Variants in CCDC50 observed in about 807,000 individuals in gnomAD.
CCDC50 encodes the protein coiled-coil domain-containing protein 50.
CCDC50 carries 54 observed loss-of-function variants against 70.2 expected under a neutral mutation model. The ratio of observed to expected loss-of-function variants is 0.77; its 90% confidence interval spans 0.62 to 0.96. The LOEUF is 0.96. Among genes scored for constraint, CCDC50 ranks in the 50% least tolerant of loss-of-function variants. CCDC50 has a pLI of 0.00. For missense variants in CCDC50, 558 were observed against 578.7 expected, an observed-to-expected ratio of 0.96 and a Z score of 0.37; for synonymous variants, 216 against 198.8, an observed-to-expected ratio of 1.09 and a Z score of -0.73.
At chr3:191,356,248 C>T (rs1214675368) in intron 1 of CCDC50, among the ~76,000 whole-genome samples, 1 of 152,130 alleles carries the variant, frequency 6.6e-6, no homozygotes, top group Non-Finnish European at 1.5e-5. Context: ...GTTTACGAAG[C>T]AGGAGTTTAA....
At chr3:191,351,446 G>T (rs528208472) in intron 1 of CCDC50, among the ~76,000 whole-genome samples, 1 of 141,072 alleles carries the variant, frequency 7.1e-6, no homozygotes, top group East Asian at 1.9e-4. Context: ...GCCAAGGGGA[G>T]GGCAGACAAG....
chr3:191,357,001 T>A, intron 1 of CCDC50, 87 bp from the exon 2 acceptor site: 1 of 844,798 alleles, frequency 1.2e-6, no homozygotes, highest in Non-Finnish European at 2.0e-6. Flanking sequence ...TTGATTTTTT[T>A]TAAAGTAAAA....
At chr3:191,347,405 A>G (rs1487483677) in intron 1 of CCDC50, among the ~76,000 whole-genome samples, 1 of 133,026 alleles carries the variant, frequency 7.5e-6, no homozygotes, top group African/African-American at 2.7e-5. Context: ...AATTCCTGCT[A>G]GCACCTCAGC....
intron 1 of CCDC50, among the ~76,000 whole-genome samples, chr3:191,354,357 AT>A (rs1576956313): frequency 2.0e-5 from 3 of 152,174 alleles, no homozygotes; most frequent in South Asian, 4.1e-4. Context: ...TATTAAAAAA[AT>A]TTTTTTTAAC....
At position 191,394,834 on chromosome 3, in the gene CCDC50, T is replaced by A. The variant is rs1452709637; in HGVS notation, c.*3074T>A. The A allele has an allele frequency of 2.0e-5, 3 of 152,192 alleles. No homozygotes were observed. The highest frequency in any genetic ancestry group is 4.4e-5 in the Non-Finnish European group (3 of 68,010). 9.4% of individuals were successfully genotyped at this position (152,192 alleles called of 1,614,324 possible). ...TTAGACGTAAGTATTTTATTAGACA[T>A]AAGTATTTTATTTTGGGACTAGACA... is the stretch of plus-strand genomic sequence containing the variant. On this transcript the variant is annotated 3_prime_UTR_variant, in exon 12 of 12. Coordinates refer to ENST00000392455, the MANE Select transcript of CCDC50 (RefSeq NM_178335.3).
rs960551314 is a variant in CCDC50, at chr3:191,398,292, A to T, written c.*6532A>T. On this transcript the variant is annotated 3_prime_UTR_variant, in exon 12 of 12. Transcript: ENST00000392455. Reference sequence around the variant, plus strand: ...TTTCTCATTAGGTTCTTTAAACATCAGGTTTAATATTGATATTATGAATAA... The same window carrying T: ...TTTCTCATTAGGTTCTTTAAACATCTGGTTTAATATTGATATTATGAATAA... 2.6e-5 allele frequency: 4 copies of T among 152,242 alleles called. No individual in the cohort carries two copies. The highest frequency in any genetic ancestry group is 4.4e-5 in the Non-Finnish European group (3 of 68,046). 9.4% of individuals were successfully genotyped at this position (152,242 alleles called of 1,614,324 possible).
intron 1 of CCDC50, among the ~76,000 whole-genome samples, chr3:191,338,306 CT>C (rs1056272924): frequency 1.3e-5 from 2 of 152,112 alleles, no homozygotes; most frequent in African/African-American, 4.8e-5. Flanking sequence ...TTATGAAGGT[CT>C]GTGTAAATAT....
At chr3:191,363,432 C>T (rs960129870) in intron 4 of CCDC50, among the ~76,000 whole-genome samples, 4 of 152,130 alleles carry the variant, frequency 2.6e-5, no homozygotes, top group Non-Finnish European at 5.9e-5. Context: ...TTTTCAGCAC[C>T]GCCCTTAACC....
chr3:191,372,953 T>C (rs1231497983), intron 5 of CCDC50, among the ~76,000 whole-genome samples: 1 of 152,042 alleles, frequency 6.6e-6, no homozygotes, highest in Non-Finnish European at 1.5e-5. Flanking sequence ...AATAATGCAA[T>C]TTTGGTGAAG....
Position 191,397,681 on chromosome 3 carries a change from A to G in CCDC50, c.*5921A>G, listed in dbSNP as rs1474079405. On this transcript the variant is annotated 3_prime_UTR_variant, in exon 12 of 12. Transcript: ENST00000392455. ...TAATTTAGAAACGTGATCTCTTGAG[A>G]GAGAGACTACGCATTGCCTGGGCAC... The G allele has an allele frequency of 2.8e-5, 3 of 106,054 alleles. No homozygotes were observed. Among genetic ancestry groups the G allele is most frequent in the African/African-American group, 2.1e-4 (3 of 14,542 alleles). The allele number at this position is 106,054 out of a possible 1,614,324, so 6.6% of individuals were successfully genotyped here. A position where few individuals can be genotyped will look rare whatever the true frequency, so the allele number is the denominator to read the frequency against.
intron 4 of CCDC50, among the ~76,000 whole-genome samples, chr3:191,365,478 G>T (rs1712652811): frequency 6.6e-6 from 1 of 152,018 alleles, no homozygotes. Context: ...AGGGAGATGG[G>T]AGGCTTCTTG....
intron 10 of CCDC50, among the ~76,000 whole-genome samples, chr3:191,386,165 TAA>T (rs1713486693): frequency 6.6e-6 from 1 of 151,916 alleles, no homozygotes; most frequent in Non-Finnish European, 1.5e-5. Context: ...GTGACGTTGG[TAA>T]TTTGATAAGA....
At chr3:191,358,590 A>G (rs190230636) in intron 3 of CCDC50, among the ~76,000 whole-genome samples, 3 of 152,318 alleles carry the variant, frequency 2.0e-5, no homozygotes, top group African/African-American at 7.2e-5. Context: ...ATGTTCTGAA[A>G]AGCTCTGAAG....
rs528940851 is a variant in CCDC50, at chr3:191,371,249, G to T, written c.448+1213G>T. Reference sequence around the variant, plus strand: ...GCTTCTCTGGTGCCTGCTTTGCAGGGTGGTGATGGTGATGGTGATGGTGTG... The same window carrying T: ...GCTTCTCTGGTGCCTGCTTTGCAGGTTGGTGATGGTGATGGTGATGGTGTG... On this transcript the variant is annotated intron_variant, in intron 5 of 11. Coordinates refer to ENST00000392455, the MANE Select transcript of CCDC50 (RefSeq NM_178335.3). 1.6e-3 allele frequency among the ~76,000 whole-genome samples: 243 copies of T among 152,238 alleles called. 1 individual carries two copies. The highest frequency in any genetic ancestry group is 5.6e-3 in the African/African-American group (234 of 41,544).
chr3:191,397,128 G>A lies in CCDC50; in HGVS notation c.*5368G>A, dbSNP rs1173467019. 6.6e-6 allele frequency: 1 copy of A among 152,146 alleles called. No individual in the cohort carries two copies. Among genetic ancestry groups the A allele is most frequent in the South Asian group, 2.1e-4 (1 of 4,828 alleles). 9.4% of individuals were successfully genotyped at this position (152,146 alleles called of 1,614,324 possible). A position where few individuals can be genotyped will look rare whatever the true frequency, so the allele number is the denominator to read the frequency against. On this transcript the variant is annotated 3_prime_UTR_variant, in exon 12 of 12. Transcript: ENST00000392455. The stretch of plus-strand genomic sequence containing the variant: ...TAGAAAAATTGAAAGATGGGTTTGG[G>A]CGACATTTTCTTCCCAAAAGATCAA...
intron 10 of CCDC50, among the ~76,000 whole-genome samples, chr3:191,386,078 G>A (rs434556): frequency 0.36 from 54,994 of 151,764 alleles, 11,457 homozygotes; most frequent in Non-Finnish European, 0.48. Context: ...TGTTCTTATT[G>A]CTTAGGATTG....
chr3:191,337,429 C>T (rs909131466), intron 1 of CCDC50, among the ~76,000 whole-genome samples: 2 of 151,838 alleles, frequency 1.3e-5, no homozygotes, highest in African/African-American at 4.8e-5. Context: ...GTGTCTAGCT[C>T]TGACGCCCAG....
chr3:191,367,535 C>T (rs9823680), intron 4 of CCDC50, among the ~76,000 whole-genome samples: 48,284 of 151,978 alleles, frequency 0.32, 7,686 homozygotes, highest in Non-Finnish European at 0.32. Flanking sequence ...AAGAAATAGT[C>T]ACTACTAATA....
Position 191,392,063 on chromosome 3 carries a change from C to A in CCDC50, c.*303C>A. The A allele has an allele frequency of 3.0e-6, 1 of 328,380 alleles. No individual in the cohort carries two copies. The highest frequency in any genetic ancestry group is 5.3e-5 in the South Asian group (1 of 19,006). The allele number at this position is 328,380 out of a possible 1,614,324, so 20.3% of individuals were successfully genotyped here. A position where few individuals can be genotyped will look rare whatever the true frequency, so the allele number is the denominator to read the frequency against. On this transcript the variant is annotated 3_prime_UTR_variant, in exon 12 of 12. Coordinates refer to ENST00000392455, the MANE Select transcript of CCDC50 (RefSeq NM_178335.3). ...TTTTGTTAGGTATGGAGTTTGGTAT[C>A]TAGGGAGTAGGCCTTATTTAGCAAT...
Sources: allele counts gnomAD v4.1 joint callset (sites outside exome capture counted in the v4.1 genomes callset), GRCh38; gene constraint gnomAD v4.1.1; transcripts MANE v1.5; gene names NCBI Gene and HGNC (gene_info 2026-07-23, HGNC 2026-07-21).